NRXN3: variants seen among roughly 807,000 people sequenced by gnomAD.
NRXN3 encodes the protein neurexin 3, also known as neurexin III.
NRXN3 carries 32 observed loss-of-function variants against 137.6 expected under a neutral mutation model. The ratio of observed to expected loss-of-function variants is 0.23; its 90% CI spans 0.18 to 0.31. The LOEUF is 0.31. NRXN3 is among the 10% of genes least tolerant of loss of function. The pLI, the probability that NRXN3 is intolerant of heterozygous loss-of-function variation, is 1.00. For missense variants in NRXN3, 1,574 were observed against 2,062.5 expected, an observed-to-expected ratio of 0.76 and a Z score of 4.59; for synonymous variants, 798 against 784.5, an observed-to-expected ratio of 1.02 and a Z score of -0.29.
intron 8 of NRXN3, among the ~76,000 whole-genome samples, chr14:78,737,068 AATGCCTCACAC>A (rs1300539620): frequency 6.6e-6 from 1 of 152,144 alleles, no homozygotes. Flanking sequence ...TTCCTCTCTT[AATGCCTCACAC>A]ATTTGTGATA....
chr14:79,340,518 T>G (rs773608095), intron 15 of NRXN3, among the ~76,000 whole-genome samples: 4 of 152,146 alleles, frequency 2.6e-5, no homozygotes, highest in Admixed American at 1.3e-4. Flanking sequence ...CAGGCTGGAG[T>G]GCAATGGTGC....
intron 15 of NRXN3, among the ~76,000 whole-genome samples, chr14:79,056,154 T>C (rs970175185): frequency 6.6e-6 from 1 of 152,126 alleles, no homozygotes; most frequent in African/African-American, 2.4e-5. Flanking sequence ...ATATGAAAGA[T>C]TCTTAGTCTG....
chr14:78,939,987 G>T (rs1036002262), intron 10 of NRXN3, among the ~76,000 whole-genome samples: 1 of 152,120 alleles, frequency 6.6e-6, no homozygotes, highest in African/African-American at 2.4e-5. Flanking sequence ...GCAAACACAC[G>T]TTGCAGCCTG....
chr14:79,067,853 C>A (rs557172080), intron 15 of NRXN3, among the ~76,000 whole-genome samples: 25 of 152,034 alleles, frequency 1.6e-4, no homozygotes, highest in African/African-American at 5.8e-4. Context: ...CCTTTGGGGG[C>A]AGGACTTAAT....
chr14:78,514,998 C>G (rs909630590), intron 4 of NRXN3, among the ~76,000 whole-genome samples: 2 of 152,138 alleles, frequency 1.3e-5, no homozygotes, highest in African/African-American at 4.8e-5. Flanking sequence ...GGAAAATATG[C>G]TCAGGTCTGG....
chr14:78,836,510 A>G (rs1349212390), intron 10 of NRXN3, among the ~76,000 whole-genome samples: 1 of 152,228 alleles, frequency 6.6e-6, no homozygotes, highest in African/African-American at 2.4e-5. Flanking sequence ...ATACATTTTC[A>G]TAAGCATGTG....
chr14:78,814,221 A>G (rs891559983), intron 10 of NRXN3, among the ~76,000 whole-genome samples: 1 of 152,224 alleles, frequency 6.6e-6, no homozygotes, highest in African/African-American at 2.4e-5. Flanking sequence ...CTTAATACAT[A>G]TAGTTCTAGC....
At chr14:78,229,454 A>G (rs144156703) in intron 1 of NRXN3, among the ~76,000 whole-genome samples, 35 of 151,932 alleles carry the variant, frequency 2.3e-4, no homozygotes, top group African/African-American at 7.7e-4. Context: ...TTCTTCATCT[A>G]TTGAATGAGG....
intron 19 of NRXN3, among the ~76,000 whole-genome samples, chr14:79,699,108 CA>C (rs2098745457): frequency 1.3e-5 from 2 of 151,866 alleles, no homozygotes; most frequent in South Asian, 4.1e-4. Context: ...TTATCGTTTT[CA>C]AAAGGCTTCT....
At chr14:78,284,437 C>T (rs1000740766) in intron 3 of NRXN3, among the ~76,000 whole-genome samples, 9 of 152,140 alleles carry the variant, frequency 5.9e-5, no homozygotes, top group African/African-American at 2.2e-4. Flanking sequence ...CCTGGACCTC[C>T]TTGGGTACGT....
At chr14:78,180,201 T>C (rs1322330734) in intron 1 of NRXN3, among the ~76,000 whole-genome samples, 1 of 152,158 alleles carries the variant, frequency 6.6e-6, no homozygotes, top group Non-Finnish European at 1.5e-5. Flanking sequence ...ACTTTGGAGA[T>C]GTGGAAACTA....
chr14:78,483,338 A>C (rs926154261), intron 4 of NRXN3, among the ~76,000 whole-genome samples: 1 of 152,160 alleles, frequency 6.6e-6, no homozygotes, highest in African/African-American at 2.4e-5. Flanking sequence ...ATTTCTCTCC[A>C]TTTCCTATTT....
Position 79,259,123 on chromosome 14 carries a change from C to A in NRXN3, c.3263-208098C>A, listed in dbSNP as rs144689711. Among the ~76,000 whole-genome samples, 3 of 152,106 alleles carry A rather than the reference C, an allele frequency of 2.0e-5. No individual in the cohort carries two copies. In the East Asian group the frequency reaches 5.8e-4, roughly 29 times the overall value. On this transcript the variant is annotated intron_variant, in intron 15 of 20. Coordinates refer to ENST00000335750, the MANE Select transcript of NRXN3 (RefSeq NM_001330195.2). Reference sequence around the variant, plus strand: ...AAGAGGCAGCTATACAGGGGAGAATCGCAACCTGTGTAGTCACCATGTGAC... The same window carrying A: ...AAGAGGCAGCTATACAGGGGAGAATAGCAACCTGTGTAGTCACCATGTGAC...
chr14:78,189,805 C>T (rs1229842916), intron 1 of NRXN3, among the ~76,000 whole-genome samples: 1 of 152,134 alleles, frequency 6.6e-6, no homozygotes, highest in Non-Finnish European at 1.5e-5. Flanking sequence ...AGGCTGGTCT[C>T]AAACTCCTGA....
At position 79,088,813 on chromosome 14, in the gene NRXN3, T is replaced by C. The variant is rs1261653028; in HGVS notation, c.3262+100672T>C. Reference sequence around the variant, plus strand: ...CCTTCCTGGTTAAAAGGATGGATATTTGGAAACAAGGCAGTTTGAATCACA... The same window carrying C: ...CCTTCCTGGTTAAAAGGATGGATATCTGGAAACAAGGCAGTTTGAATCACA... On this transcript the variant is annotated intron_variant, in intron 15 of 20. Coordinates refer to ENST00000335750, the MANE Select transcript of NRXN3 (RefSeq NM_001330195.2). Among the ~76,000 whole-genome samples the C allele has an allele frequency of 3.3e-5, 5 of 152,190 alleles. 1 individual carries two copies. Among genetic ancestry groups the C allele is most frequent in the Admixed American group, 2.0e-4 (3 of 15,276 alleles).
intron 15 of NRXN3, among the ~76,000 whole-genome samples, chr14:79,456,406 C>T (rs1411102724): frequency 3.9e-5 from 6 of 152,138 alleles, no homozygotes; most frequent in Non-Finnish European, 8.8e-5. Flanking sequence ...GCTTAGACTA[C>T]ATGAGTTAGC....
intron 4 of NRXN3, among the ~76,000 whole-genome samples, chr14:78,635,222 A>T (rs1391496186): frequency 6.6e-6 from 1 of 152,230 alleles, no homozygotes; most frequent in Non-Finnish European, 1.5e-5. Flanking sequence ...TAATTGTTAC[A>T]GAGAATTCTT....
chr14:79,831,942 A>T (rs1370421082), intron 20 of NRXN3, among the ~76,000 whole-genome samples: 1 of 152,028 alleles, frequency 6.6e-6, no homozygotes, highest in Non-Finnish European at 1.5e-5. Context: ...CTTATGTGAA[A>T]ATTTCATAAT....
chr14:78,832,037 C>T (rs1483905138), intron 10 of NRXN3, among the ~76,000 whole-genome samples: 1 of 151,748 alleles, frequency 6.6e-6, no homozygotes, highest in Non-Finnish European at 1.5e-5. Context: ...CATAAAAGTG[C>T]CTAGATCAAA....
Sources: gnomAD v4.1 joint callset for allele counts (sites outside exome capture counted in the v4.1 genomes callset) on GRCh38, gnomAD v4.1.1 for gene constraint, MANE v1.5 for transcripts, NCBI Gene and HGNC (gene_info 2026-07-23, HGNC 2026-07-21) for gene names.